ST7L: variants seen among roughly 807,000 people sequenced by gnomAD.
ST7L encodes suppression of tumorigenicity 7 like, also known as suppressor of tumorigenicity 7 protein-like.
In ST7L, 57 loss-of-function variants were observed where a neutral mutation model predicts 72.5. The ratio of observed to expected loss-of-function variants is 0.79; its 90% CI spans 0.64 to 0.98. The LOEUF is 0.98. Ranked by LOEUF, ST7L falls within the 50% of genes least tolerant of loss-of-function variation. The pLI is 0.00. For synonymous variants in ST7L, 221 were observed against 240.9 expected (o/e 0.92, Z 0.77); for missense variants, 576 against 672.2 (o/e 0.86, Z 1.58).
intron 11 of ST7L, among the ~76,000 whole-genome samples, chr1:112,564,498 A>G (rs942841545): frequency 1.3e-5 from 2 of 152,206 alleles, no homozygotes; most frequent in East Asian, 3.8e-4. Flanking sequence ...GTGCTATGAT[A>G]TAAGTAGTTT....
chr1:112,617,717 T>TCTCACA (rs3221199), intron 1 of ST7L, among the ~76,000 whole-genome samples: 8 of 126,486 alleles, frequency 6.3e-5, no homozygotes, highest in East Asian at 2.0e-4. Flanking sequence ...TTTCTCTCTC[T>TCTCACA]CACACACACA....
At chr1:112,607,930 A>T (rs747051135) in intron 3 of ST7L, among the ~76,000 whole-genome samples, 1 of 152,188 alleles carries the variant, frequency 6.6e-6, no homozygotes, top group Non-Finnish European at 1.5e-5. Flanking sequence ...CCCCCAGCAT[A>T]TATGTCTGTG....
intron 2 of ST7L, among the ~76,000 whole-genome samples, chr1:112,612,129 C>A (rs866836110): frequency 6.6e-6 from 1 of 151,856 alleles, no homozygotes; most frequent in African/African-American, 2.4e-5. Context: ...AGATAGGATC[C>A]CACTGTCACC....
intron 14 of ST7L, chr1:112,527,573 C>G (rs981799418): frequency 6.5e-6 from 1 of 152,680 alleles, no homozygotes; most frequent in African/African-American, 2.4e-5. Flanking sequence ...GGAAAAGAGG[C>G]AGAGCAGGAG....
At chr1:112,615,221 C>G (rs542878464) in intron 2 of ST7L, among the ~76,000 whole-genome samples, 26 of 152,168 alleles carry the variant, frequency 1.7e-4, no homozygotes, top group Middle Eastern at 3.4e-3. Flanking sequence ...GTCTCGAACT[C>G]TATCACCCCA....
At chr1:112,597,829 A>T in intron 5 of ST7L, 142 bp downstream of exon 5, 1 of 458,094 alleles carries the variant, frequency 2.2e-6, no homozygotes, top group Non-Finnish European at 3.7e-6. Context: ...GTCATAATTT[A>T]ATCTGAGTTT....
intron 6 of ST7L, among the ~76,000 whole-genome samples, chr1:112,589,658 T>A (rs775673489): frequency 1.9e-4 from 29 of 152,206 alleles, no homozygotes; most frequent in Non-Finnish European, 1.2e-4. Flanking sequence ...GGTGATTTGA[T>A]AGAGGTTTCC....
At chr1:112,610,692 T>C in intron 3 of ST7L, 149 bp downstream of exon 3, 2 of 957,034 alleles carry the variant, frequency 2.1e-6, no homozygotes, top group Non-Finnish European at 1.5e-6. Flanking sequence ...CCAAAGACCC[T>C]ACCTCGTAAC....
chr1:112,545,295 G>A (rs1330352916), intron 13 of ST7L, among the ~76,000 whole-genome samples: 2 of 151,826 alleles, frequency 1.3e-5, no homozygotes, highest in Non-Finnish European at 2.9e-5. Flanking sequence ...AAACTGTCTG[G>A]TCTTATAGCT....
Position 112,544,821 on chromosome 1 carries a change from C to T in ST7L, c.1490-2731G>A, listed in dbSNP as rs187727362. Among the ~76,000 whole-genome samples, 365 of 152,232 alleles carry T rather than the reference C, an allele frequency of 2.4e-3. 1 individual carries two copies. Among genetic ancestry groups the T allele is most frequent in the Admixed American group, 4.6e-3 (70 of 15,288 alleles). On this transcript the variant is annotated intron_variant, in intron 13 of 14. Coordinates refer to ENST00000358039, the MANE Select transcript of ST7L (RefSeq NM_017744.5). ...GAGATTTTTATACTGTAAGAGAGAC[C>T]TAATTATTTCTTCCTGGATTGCTTT...
intron 6 of ST7L, among the ~76,000 whole-genome samples, chr1:112,587,632 G>A (rs1026682517): frequency 3.3e-5 from 5 of 152,144 alleles, no homozygotes; most frequent in Non-Finnish European, 7.4e-5. Flanking sequence ...ACCATCAACT[G>A]ACCATAGATA....
chr1:112,594,324 G>GGGGCAACCAT (rs1666122152), intron 5 of ST7L, among the ~76,000 whole-genome samples: 1 of 152,090 alleles, frequency 6.6e-6, no homozygotes, highest in African/African-American at 2.4e-5. Flanking sequence ...GTTTGGGTTG[G>GGGGCAACCAT]GGGCAACCAT....
At chr1:112,606,881 C>T (rs72982593) in intron 3 of ST7L, among the ~76,000 whole-genome samples, 2,814 of 152,254 alleles carry the variant, frequency 0.018, 76 homozygotes, top group East Asian at 0.093. Flanking sequence ...TTAGGATCCC[C>T]TCATTTAACC....
At chr1:112,565,150 T>C (rs1457534408) in intron 11 of ST7L, among the ~76,000 whole-genome samples, 1 of 150,640 alleles carries the variant, frequency 6.6e-6, no homozygotes, top group Non-Finnish European at 1.5e-5. Flanking sequence ...GTTCAAGCGA[T>C]TCTCCTGCCT....
At chr1:112,571,282 G>T in intron 11 of ST7L, 1 of 456,370 alleles carries the variant, frequency 2.2e-6, no homozygotes, top group South Asian at 1.6e-5. Flanking sequence ...CACTTAGCTG[G>T]ATATTTTGAA....
At chr1:112,594,596 G>A (rs1435975124) in intron 5 of ST7L, among the ~76,000 whole-genome samples, 1 of 152,152 alleles carries the variant, frequency 6.6e-6, no homozygotes, top group Non-Finnish European at 1.5e-5. Context: ...GCCTAATTTC[G>A]GCCAAGTGGT....
chr1:112,552,738 T>C (rs1205571764), intron 12 of ST7L, among the ~76,000 whole-genome samples: 2 of 152,106 alleles, frequency 1.3e-5, no homozygotes, highest in African/African-American at 4.8e-5. Context: ...AAGTAGTTAT[T>C]TGTCCAAAGT....
At chr1:112,596,203 A>C (rs1435964419) in intron 5 of ST7L, among the ~76,000 whole-genome samples, 4 of 152,236 alleles carry the variant, frequency 2.6e-5, no homozygotes, top group Non-Finnish European at 4.4e-5. Flanking sequence ...TATTGCAATT[A>C]AACCATTTTA....
chr1:112,580,294 G>C (rs372377721), intron 9 of ST7L, among the ~76,000 whole-genome samples: 1 of 152,064 alleles, frequency 6.6e-6, no homozygotes, highest in African/African-American at 2.4e-5. Context: ...GACTACAGGC[G>C]CATGCCACCA....
Sources: gnomAD v4.1 joint callset for allele counts (sites outside exome capture counted in the v4.1 genomes callset) on GRCh38, gnomAD v4.1.1 for gene constraint, MANE v1.5 for transcripts, NCBI Gene and HGNC (gene_info 2026-07-23, HGNC 2026-07-21) for gene names.